The following LONP1 variants were observed in gnomAD, a reference collection of about 807,000 sequenced individuals.
LONP1 encodes the protein lon protease homolog, mitochondrial.
Under a neutral mutation model 98.5 loss-of-function variants are expected in LONP1, and 31 were observed. The ratio of observed to expected loss-of-function variants is 0.31; its 90% CI spans 0.24 to 0.42. The LOEUF (loss-of-function observed/expected upper bound fraction) is 0.42, where lower values mean the gene tolerates loss of function less well. Ranked by LOEUF, LONP1 falls within the 20% of genes least tolerant of loss-of-function variation. LONP1 has a pLI of 1.00. For synonymous variants in LONP1, 781 were observed against 594.7 expected (o/e 1.31, Z -4.56); for missense variants, 1,336 against 1,350.6 (o/e 0.99, Z 0.17).
chr19:5,715,657 AAAAAAAAAAAAAAAAAAAAAAAG>A (rs2054311358), intron 1 of LONP1, among the ~76,000 whole-genome samples: 1 of 112,112 alleles, frequency 8.9e-6, no homozygotes, highest in South Asian at 3.2e-4. Context: ...AAAAAAAAAA[AAAAAAAAAAAAAAAAAAAAAAAG>A]AAAGTTTCAC....
intron 7 of LONP1, 136 bp downstream of exon 7, chr19:5,706,924 T>A: frequency 1.4e-6 from 1 of 696,510 alleles, no homozygotes; most frequent in Non-Finnish European, 2.5e-6. Flanking sequence ...CACGAAGCCC[T>A]CAAAACCCAG....
intron 2 of LONP1, among the ~76,000 whole-genome samples, chr19:5,713,540 A>C (rs1375992238): frequency 3.9e-5 from 6 of 152,128 alleles, no homozygotes; most frequent in Non-Finnish European, 8.8e-5. Flanking sequence ...GCTATCACAG[A>C]GCCTGCTTCG....
intron 4 of LONP1, chr19:5,708,662 G>A (rs2055187329): frequency 4.6e-6 from 2 of 436,152 alleles, no homozygotes; most frequent in African/African-American, 2.0e-5. Flanking sequence ...CTTGTCCTTA[G>A]GATAAGCTAT....
At chr19:5,718,221 C>T (rs566863664) in intron 1 of LONP1, among the ~76,000 whole-genome samples, 2 of 152,162 alleles carry the variant, frequency 1.3e-5, no homozygotes, top group East Asian at 1.9e-4. Context: ...CTCGCACCTG[C>T]AATCCCAGCA....
intron 10 of LONP1, among the ~76,000 whole-genome samples, chr19:5,698,529 C>G (rs567618568): frequency 6.6e-6 from 1 of 152,180 alleles, no homozygotes; most frequent in East Asian, 1.9e-4. Flanking sequence ...TGAGGCTGGC[C>G]GGGACGAGTG....
At chr19:5,698,597 C>T (rs1407195294) in intron 10 of LONP1, among the ~76,000 whole-genome samples, 6 of 152,178 alleles carry the variant, frequency 3.9e-5, no homozygotes, top group South Asian at 2.1e-4. Flanking sequence ...CACTGGAGAC[C>T]GTCTCTCCTG....
At position 5,694,415 on chromosome 19, in the gene LONP1, C is replaced by T. The variant is rs139623048; in HGVS notation, c.2292G>A (p.Val764=). 2.9e-4 allele frequency: 466 copies of T among 1,613,422 alleles called. No individual in the cohort carries two copies. Among genetic ancestry groups the T allele is most frequent in the Non-Finnish European group, 3.9e-4 (458 of 1,179,994 alleles). Residue 764 remains valine, a synonymous_variant, in exon 15 of 18, where the codon GTG becomes GTA. Transcript: ENST00000360614. The stretch of plus-strand genomic sequence containing the variant: ...TTGCGGTCCAGGCCAGCCCCATGAC[C>T]ACGCCGGGCGGTGTCACGTCATACA... ...ERMYDVTPPG[V]VMGLAWTAMG...
upstream of LONP1, chr19:5,720,274 A>G (rs531523956): frequency 4.9e-6 from 6 of 1,212,950 alleles, no homozygotes; most frequent in South Asian, 9.5e-5. Flanking sequence ...TACGCGGAGA[A>G]GAGGGGGCGG....
chr19:5,711,884 T>C lies in LONP1; in HGVS notation c.757A>G (p.Arg253Gly), dbSNP rs1482733608. 6.2e-7 allele frequency: 1 copy of C among 1,613,040 alleles called. No individual in the cohort carries two copies. Among genetic ancestry groups the C allele is most frequent in the South Asian group, 1.1e-5 (1 of 91,080 alleles). ...TCCATCGCCAGCTCCGCCGGGTGCC[T>C]GGCGCTCAGCTCGTCCTCCGCCTCC... ...KKEAEDELSA[R>G]HPAELAMEPT... Residue 253 changes from arginine (R) to glycine (G), a missense_variant, in exon 4 of 18, where the codon AGG becomes GGG. Physicochemically the swap from Arg to Gly is moderately radical, Grantham distance 125 (BLOSUM62 -2). Transcript: ENST00000360614.
intron 13 of LONP1, among the ~76,000 whole-genome samples, chr19:5,695,513 G>A (rs969946116): frequency 2.0e-5 from 3 of 152,180 alleles, no homozygotes; most frequent in African/African-American, 7.2e-5. Context: ...AGTGGGCATT[G>A]AAGCCCCCAG....
intron 1 of LONP1, among the ~76,000 whole-genome samples, chr19:5,715,809 C>A (rs1321318539): frequency 2.0e-5 from 3 of 151,830 alleles, no homozygotes; most frequent in Admixed American, 6.6e-5. Context: ...AAGCACACGC[C>A]ACTGCACTCG....
At chr19:5,700,016 G>A (rs1030678412) in intron 9 of LONP1, among the ~76,000 whole-genome samples, 3 of 152,018 alleles carry the variant, frequency 2.0e-5, no homozygotes, top group Non-Finnish European at 4.4e-5. Context: ...ACAGCTCACT[G>A]CAGCCTCCAC....
At chr19:5,697,947 C>A (rs956122794) in intron 10 of LONP1, among the ~76,000 whole-genome samples, 1 of 151,998 alleles carries the variant, frequency 6.6e-6, no homozygotes, top group Admixed American at 6.5e-5. Context: ...CACTTCAAAC[C>A]GCTTGCCCAG....
At chr19:5,710,753 C>T (rs1450876774) in intron 4 of LONP1, among the ~76,000 whole-genome samples, 1 of 152,094 alleles carries the variant, frequency 6.6e-6, no homozygotes, top group Non-Finnish European at 1.5e-5. Context: ...TGGCCGGGCA[C>T]AGTGGCTCAC....
At chr19:5,697,281 GGACTGAGATGCCACTGGGATGTGTGT>G (rs1419613466) in intron 10 of LONP1, among the ~76,000 whole-genome samples, 1 of 151,968 alleles carries the variant, frequency 6.6e-6, no homozygotes, top group African/African-American at 2.4e-5. Context: ...AGGGATGGAG[GGACTGAGATGCCACTGGGATGTGTGT>G]GACACTTTAA....
In LONP1 at chr19:5,691,959, C is replaced by T. The variant is rs777976142; in HGVS notation, c.*73G>A. 67 of 1,530,572 alleles carry T rather than the reference C, an allele frequency of 4.4e-5. No individual in the cohort carries two copies. The highest frequency in any genetic ancestry group is 5.1e-5 in the Non-Finnish European group (58 of 1,136,962). 94.8% of individuals were successfully genotyped at this position (1,530,572 alleles called of 1,614,324 possible). A position where few individuals can be genotyped will look rare whatever the true frequency, so the allele number is the denominator to read the frequency against. ...CGGTGGCTCCACTGCCAGGTCCGGG[C>T]GCGCTCCCCACAGCGCTCAGTTCTG... On this transcript the variant is annotated 3_prime_UTR_variant, in exon 18 of 18. Coordinates refer to ENST00000360614, the MANE Select transcript of LONP1 (RefSeq NM_004793.4).
upstream of LONP1, chr19:5,720,397 T>C (rs1050253880): frequency 5.1e-6 from 3 of 587,452 alleles, no homozygotes; most frequent in South Asian, 7.0e-5. Context: ...TACAAAACAC[T>C]GGTAGTGTTG....
At position 5,694,550 on chromosome 19, in the gene LONP1, C is replaced by T. The variant is rs2054889368; in HGVS notation, c.2157G>A (p.Val719=). ...VRNLQKQVEK[V]LRKSAYKIVS... ...CAATCTTGTAGGCCGATTTCCGTAA[C>T]ACCTGGGCGGTCAGGGCAACACAAT... The change falls in exon 15 of 18, where the codon GTG becomes GTA. Residue 719 remains valine, a splice_region_variant and synonymous_variant. Coordinates refer to ENST00000360614, the MANE Select transcript of LONP1 (RefSeq NM_004793.4). The T allele has an allele frequency of 1.9e-6, 3 of 1,610,580 alleles. No homozygotes were observed. Among genetic ancestry groups the T allele is most frequent in the Non-Finnish European group, 2.5e-6 (3 of 1,178,408 alleles).
intron 7 of LONP1, among the ~76,000 whole-genome samples, chr19:5,706,842 C>G (rs1568322472): frequency 6.6e-6 from 1 of 152,264 alleles, no homozygotes; most frequent in African/African-American, 2.4e-5. Flanking sequence ...GCTCATTACA[C>G]TGGGACCAGC....
Sources: allele counts gnomAD v4.1 joint callset (sites outside exome capture counted in the v4.1 genomes callset), GRCh38; gene constraint gnomAD v4.1.1; transcripts MANE v1.5; gene names NCBI Gene and HGNC (gene_info 2026-07-23, HGNC 2026-07-21).